GDF5: variants seen among roughly 807,000 people sequenced by gnomAD.
GDF5 encodes growth differentiation factor 5.
In GDF5, 17 loss-of-function variants were observed where a neutral mutation model predicts 34.6. That is an observed-to-expected ratio of 0.49 (90% CI 0.34 to 0.74). GDF5 has a LOEUF of 0.74. Ranked by LOEUF, GDF5 falls within the 30% of genes least tolerant of loss-of-function variation. GDF5 has a pLI of 0.01. For synonymous variants in GDF5, 332 were observed against 290.7 expected, an observed-to-expected ratio of 1.14 and a Z score of -1.44; for missense variants, 616 against 661.2, an observed-to-expected ratio of 0.93 and a Z score of 0.75.
chr20:35,437,024 G>A (rs1321574918), intron 1 of GDF5, among the ~76,000 whole-genome samples: 1 of 152,208 alleles, frequency 6.6e-6, no homozygotes, highest in Non-Finnish European at 1.5e-5. Flanking sequence ...ACTCTGCCAC[G>A]AACTGGCAGG....
chr20:35,438,211 C>A lies in GDF5; in HGVS notation c.-283G>T, dbSNP rs767956185. 1 of 498,678 alleles carries A rather than the reference C, an allele frequency of 2.0e-6. No homozygotes were observed. Among genetic ancestry groups the A allele is most frequent in the Non-Finnish European group, 3.7e-6 (1 of 273,464 alleles). The allele number at this position is 498,678 out of a possible 1,614,324, so 30.9% of individuals were successfully genotyped here. ...CTTGAAAGGAGAAAGCCGACCGCCC[C>A]CTTTCTCCTGCACAACTGACTGAGG... is the stretch of plus-strand genomic sequence containing the variant. On this transcript the variant is annotated 5_prime_UTR_variant, in exon 1 of 2. Coordinates refer to ENST00000374369, the MANE Select transcript of GDF5 (RefSeq NM_000557.5).
chr20:35,453,963 T>C, intron 1 of GDF5: 1 of 534,612 alleles, frequency 1.9e-6, no homozygotes, highest in Middle Eastern at 3.2e-4. Context: ...GTGTTCCCAA[T>C]TATCAGAATC....
chr20:35,453,877 C>G, intron 1 of GDF5: 1 of 533,730 alleles, frequency 1.9e-6, no homozygotes, highest in Non-Finnish European at 3.9e-6. Context: ...AGGCCTTGTG[C>G]TGAGCGCTAT....
chr20:35,449,410 G>GT (rs2062523851), intron 1 of GDF5, among the ~76,000 whole-genome samples: 1 of 152,088 alleles, frequency 6.6e-6, no homozygotes, highest in African/African-American at 2.4e-5. Flanking sequence ...CAGAATAGTT[G>GT]GGACTACAGT....
Position 35,433,574 on chromosome 20 carries a change from T to G in GDF5, c.*335A>C, listed in dbSNP as rs73611720. The G allele has an allele frequency of 0.095, 36,445 of 385,580 alleles. 2,592 individuals are homozygous for G. Among genetic ancestry groups the G allele is most frequent in the South Asian group, 0.21 (9,778 of 47,690 alleles). The allele number at this position is 385,580 out of a possible 1,614,324, so 23.9% of individuals were successfully genotyped here. A position where few individuals can be genotyped will look rare whatever the true frequency, so the allele number is the denominator to read the frequency against. ...GAGGTGCTTAGGAGAGTCCAGAGGC[T>G]GAGAAGGCCCAGGTGAGGAGAAATG... On this transcript the variant is annotated 3_prime_UTR_variant, in exon 2 of 2. Transcript: ENST00000374369.
rs892663566 is a variant in GDF5, at chr20:35,433,742, G to T, written c.*167C>A. ...CAGGGGAACTTGTGGATAAAAGGGG[G>T]CCTTTAGCCCAAGTCACACTCAGAG... On this transcript the variant is annotated 3_prime_UTR_variant, in exon 2 of 2. Coordinates refer to ENST00000374369, the MANE Select transcript of GDF5 (RefSeq NM_000557.5). The T allele has an allele frequency of 2.8e-6, 2 of 714,616 alleles. No individual in the cohort carries two copies. Among genetic ancestry groups the T allele is most frequent in the African/African-American group, 1.7e-5 (1 of 57,908 alleles). The allele number at this position is 714,616 out of a possible 1,614,324, so 44.3% of individuals were successfully genotyped here.
chr20:35,442,599 G>A (rs1301960951), upstream of GDF5, among the ~76,000 whole-genome samples: 1 of 140,268 alleles, frequency 7.1e-6, no homozygotes, highest in African/African-American at 2.6e-5. Flanking sequence ...AGTGAAGAGT[G>A]CAGTGGCTCA....
chr20:35,443,822 T>C (rs1298890946), intron 1 of GDF5, among the ~76,000 whole-genome samples: 1 of 152,198 alleles, frequency 6.6e-6, no homozygotes, highest in Non-Finnish European at 1.5e-5. Context: ...GCCAGATTAT[T>C]ATTATCCCTT....
Position 35,434,562 on chromosome 20 carries a change from C to A in GDF5, c.853G>T (p.Gly285Cys). Residue 285 changes from glycine (G) to cysteine (C), a missense_variant, in exon 2 of 2, where the codon GGC becomes TGC. Gly to Cys is a radical substitution (Grantham distance 159). Transcript: ENST00000374369. The stretch of plus-strand genomic sequence containing the variant: ...ACCTCCCAGCCAGATCCGTCCAGGC[C>A]TGGCACGGAGCGCACATCCAGCAAG... ...AALLDVRSVP[G>C]LDGSGWEVFD... 6.3e-7 allele frequency: 1 copy of A among 1,591,350 alleles called. No homozygotes were observed.
At chr20:35,439,987 G>A (rs1187888051), upstream of GDF5, among the ~76,000 whole-genome samples, 2 of 133,644 alleles carry the variant, frequency 1.5e-5, no homozygotes, top group Non-Finnish European at 3.1e-5. Flanking sequence ...TGCGATCTTG[G>A]CTCACTGTAA....
rs781264883 is a variant in GDF5 at position 35,434,363 on chromosome 20, C to G, written c.1052G>C (p.Arg351Pro). The change falls in exon 2 of 2, where the codon CGG becomes CCG. Residue 351 changes from arginine (R) to proline (P), a missense_variant. Coordinates refer to ENST00000374369, the MANE Select transcript of GDF5 (RefSeq NM_000557.5). ...LFLVFGRTKK[R>P]DLFFNEIKAR... is the part of the protein sequence containing the mutation. ...CTTAATCTCATTAAAGAACAGGTCCCGTTTCTTGGTGCGGCCAAACACCAG... is the reference window on the plus strand; with the variant it reads ...CTTAATCTCATTAAAGAACAGGTCCGGTTTCTTGGTGCGGCCAAACACCAG... 6.2e-7 allele frequency: 1 copy of G among 1,613,756 alleles called. No homozygotes were observed. Among genetic ancestry groups the G allele is most frequent in the South Asian group, 1.1e-5 (1 of 91,082 alleles).
Position 35,437,787 on chromosome 20 carries a change from T to C in GDF5, c.142A>G (p.Lys48Glu), listed in dbSNP as rs1229112863. 1.2e-6 allele frequency: 2 copies of C among 1,613,180 alleles called. No individual in the cohort carries two copies. The highest frequency in any genetic ancestry group is 3.3e-5 in the Admixed American group (2 of 59,824). Residue 48 changes from lysine (K) to glutamate (E), a missense_variant, in exon 1 of 2, where the codon AAG becomes GAG. Lys to Glu is a moderately conservative substitution (Grantham distance 56, BLOSUM62 1). Coordinates refer to ENST00000374369, the MANE Select transcript of GDF5 (RefSeq NM_000557.5). ...TRPGLAKAEA[K>E]ERPPLARNVF... is the part of the protein sequence containing the mutation. ...TTCCGGGCCAGGGGGGGCCTCTCCT[T>C]GGCCTCTGCTTTGGCCAATCCTGGC... is the stretch of plus-strand genomic sequence containing the variant.
intron 1 of GDF5, chr20:35,435,200 C>T (rs1446070816): frequency 5.0e-6 from 2 of 400,942 alleles, no homozygotes; most frequent in Non-Finnish European, 9.3e-6. Context: ...CCTGCAATCC[C>T]AGCACTTTGG....
upstream of GDF5, among the ~76,000 whole-genome samples, chr20:35,442,994 T>C (rs1211627275): frequency 1.3e-5 from 2 of 152,246 alleles, no homozygotes; most frequent in Non-Finnish European, 2.9e-5. Flanking sequence ...TGGGGAAAGT[T>C]ACAGTATTCC....
rs1410168119 is a variant in GDF5 at position 35,448,409 on chromosome 20, A to T, written c.-398+6231T>A. 2.6e-3 allele frequency among the ~76,000 whole-genome samples: 362 copies of T among 138,228 alleles called. 3 individuals are homozygous for T. Among genetic ancestry groups the T allele is most frequent in the Non-Finnish European group, 3.7e-3 (236 of 63,670 alleles). 90.7% of individuals were successfully genotyped at this position (138,228 alleles called of 152,430 possible). On this transcript the variant is annotated intron_variant, in intron 1 of 3. Coordinates refer to the GDF5 transcript ENST00000374372. ...TTTTTGTTTTTTTCAAAAAAAAAAA[A>T]AAAAATATATATATATATATAGTTA... is the stretch of plus-strand genomic sequence containing the variant.
intron 1 of GDF5, among the ~76,000 whole-genome samples, chr20:35,452,490 T>G (rs562396456): frequency 7.2e-5 from 11 of 152,238 alleles, no homozygotes; most frequent in Non-Finnish European, 1.5e-4. Flanking sequence ...TGGTGCAATC[T>G]CGGCTCACCG....
chr20:35,434,861 C>G (rs1167443790), intron 1 of GDF5, 78 bp from the exon 2 acceptor site: 3 of 1,424,306 alleles, frequency 2.1e-6, no homozygotes, highest in South Asian at 1.1e-5. Flanking sequence ...GGGGAAGGCC[C>G]CAGCTCTCTC....
chr20:35,438,630 A>G (rs224335), upstream of GDF5, among the ~76,000 whole-genome samples: 143,799 of 152,220 alleles, frequency 0.94, 68,036 homozygotes, highest in Admixed American at 0.97. Flanking sequence ...CCCCCTCCAC[A>G]GGGCAGACTC....
intron 1 of GDF5, among the ~76,000 whole-genome samples, chr20:35,447,059 ATTTT>A (rs2062516349): frequency 6.6e-6 from 1 of 151,562 alleles, no homozygotes; most frequent in South Asian, 2.1e-4. Flanking sequence ...TTTTTTTAAA[ATTTT>A]TTTATTATAC....
Sources: allele counts gnomAD v4.1 joint callset (sites outside exome capture counted in the v4.1 genomes callset), GRCh38; gene constraint gnomAD v4.1.1; transcripts MANE v1.5; gene names NCBI Gene and HGNC (gene_info 2026-07-23, HGNC 2026-07-21).